The following ANO4 variants were observed in gnomAD, a reference collection of about 807,000 sequenced individuals.
ANO4 encodes the protein anoctamin 4.
ANO4 carries 69 observed loss-of-function variants against 141.9 expected under a neutral mutation model. The ratio of observed to expected loss-of-function variants is 0.49; its 90% confidence interval spans 0.40 to 0.59. The LOEUF (loss-of-function observed/expected upper bound fraction) is 0.59, where lower values mean the gene tolerates loss of function less well. Ranked by LOEUF, ANO4 falls within the 20% of genes least tolerant of loss-of-function variation. The pLI, the probability that ANO4 is intolerant of heterozygous loss-of-function variation, is 0.00. For synonymous variants in ANO4, 350 were observed against 394.3 expected, an observed-to-expected ratio of 0.89 and a Z score of 1.33; for missense variants, 894 against 1,162.2, an observed-to-expected ratio of 0.77 and a Z score of 3.36.
chr12:100,836,137 C>T (rs1048394922), intron 1 of ANO4, among the ~76,000 whole-genome samples: 16 of 152,198 alleles, frequency 1.1e-4, no homozygotes, highest in Non-Finnish European at 2.1e-4. Flanking sequence ...TTTGCATATA[C>T]GTTTTACTTC....
chr12:101,111,600 C>G lies in ANO4; in HGVS notation c.2340C>G (p.Leu780=), dbSNP rs758995911. The change falls in exon 24 of 28, where the codon CTC becomes CTG. Residue 780 remains leucine (L), a synonymous_variant. Transcript: ENST00000392977. ...WYGILEGIGI[L]SVITNAFVIA... Reference sequence around the variant, plus strand: ...GAATTCTTGAAGGCATTGGAATTCTCTCTGTTATCACAAATGCATTTGTCA... The same window carrying G: ...GAATTCTTGAAGGCATTGGAATTCTGTCTGTTATCACAAATGCATTTGTCA... 1.2e-6 allele frequency: 2 copies of G among 1,611,128 alleles called. No individual in the cohort carries two copies. Among genetic ancestry groups the G allele is most frequent in the Admixed American group, 3.4e-5 (2 of 59,484 alleles).
intron 1 of ANO4, among the ~76,000 whole-genome samples, chr12:100,822,618 A>G (rs1305034820): frequency 1.3e-5 from 2 of 152,056 alleles, no homozygotes; most frequent in South Asian, 2.1e-4. Context: ...AAGAGGATGG[A>G]AAAAAGAGAA....
At chr12:101,096,822 A>G (rs1338463960) in intron 19 of ANO4, among the ~76,000 whole-genome samples, 175 bp downstream of exon 19, 1 of 152,180 alleles carries the variant, frequency 6.6e-6, no homozygotes, top group East Asian at 1.9e-4. Context: ...ATCCCAGGGA[A>G]ATCATCTCCA....
At chr12:100,838,977 C>T (rs1261659071) in intron 1 of ANO4, among the ~76,000 whole-genome samples, 3 of 152,116 alleles carry the variant, frequency 2.0e-5, no homozygotes, top group Non-Finnish European at 4.4e-5. Context: ...AAAGCAGGTT[C>T]CCTATCTTGC....
At chr12:100,795,249 A>G (rs2034234815) in intron 1 of ANO4, among the ~76,000 whole-genome samples, 1 of 149,834 alleles carries the variant, frequency 6.7e-6, no homozygotes, top group Admixed American at 6.6e-5. Context: ...CTGTGATACG[A>G]ATATAAGTGC....
At chr12:100,838,670 A>G (rs111787774) in intron 1 of ANO4, among the ~76,000 whole-genome samples, 191 of 152,308 alleles carry the variant, frequency 1.3e-3, no homozygotes, top group Non-Finnish European at 2.0e-3. Flanking sequence ...AGTTTCATAA[A>G]TAAAGTGAGG....
In ANO4 at chr12:101,043,617, C is replaced by T; in HGVS notation, c.1233C>T (p.Asp411=). The change falls in exon 13 of 28, where the codon GAC becomes GAT. Residue 411 remains aspartate, a synonymous_variant. Coordinates refer to ENST00000392977, the MANE Select transcript of ANO4 (RefSeq NM_001286615.2). ...ACTGTCCATTCATGAGGCTGTCAGA[C>T]AGCTGTGTATATGCCAAGGTAATTT... ...DKYCPFMRLS[D]SCVYAKVTHL... is the part of the protein sequence containing the mutation. The T allele has an allele frequency of 6.2e-7, 1 of 1,611,848 alleles. No homozygotes were observed. Among genetic ancestry groups the T allele is most frequent in the African/African-American group, 1.3e-5 (1 of 74,996 alleles).
chr12:100,719,108 G>A (rs1385057747), intron 1 of ANO4, among the ~76,000 whole-genome samples: 1 of 152,200 alleles, frequency 6.6e-6, no homozygotes, highest in Non-Finnish European at 1.5e-5. Flanking sequence ...AAGGAAAAAG[G>A]TGGCAGATCT....
intron 1 of ANO4, among the ~76,000 whole-genome samples, chr12:100,730,176 C>A (rs2031323491): frequency 6.6e-6 from 1 of 152,098 alleles, no homozygotes; most frequent in South Asian, 2.1e-4. Flanking sequence ...GGAATGACAA[C>A]TTTAGAGTAC....
At chr12:100,778,102 G>A (rs1412348365) in intron 3 of ANO4, among the ~76,000 whole-genome samples, 2 of 151,944 alleles carry the variant, frequency 1.3e-5, no homozygotes, top group South Asian at 2.1e-4. Context: ...TGCATTTTTA[G>A]TAGAGATGGG....
chr12:101,009,309 TA>T (rs2045986065), intron 8 of ANO4, among the ~76,000 whole-genome samples: 1 of 152,106 alleles, frequency 6.6e-6, no homozygotes, highest in Admixed American at 6.6e-5. Flanking sequence ...AGAGAAAATT[TA>T]GAAGAAAAAA....
At chr12:101,018,328 A>G (rs2046391962) in intron 8 of ANO4, among the ~76,000 whole-genome samples, 1 of 152,220 alleles carries the variant, frequency 6.6e-6, no homozygotes, top group African/African-American at 2.4e-5. Flanking sequence ...CAGCATCCTC[A>G]TTTACCCACA....
intron 17 of ANO4, among the ~76,000 whole-genome samples, chr12:101,088,612 T>C (rs2049606745): frequency 6.6e-6 from 1 of 152,112 alleles, no homozygotes; most frequent in South Asian, 2.1e-4. Flanking sequence ...GTTGTTGCTA[T>C]TTTTTGTAGA....
rs544244149 is a variant in ANO4 at position 100,807,803 on chromosome 12, A to G, written c.-141+12776A>G. 5.3e-5 allele frequency among the ~76,000 whole-genome samples: 8 copies of G among 152,188 alleles called. No individual in the cohort carries two copies. The East Asian group carries it at 1.2e-3, about 22-fold the overall frequency. ...TCCCACTTATAAGTGAGAACACATG[A>G]TGTTTGGTTTTCTGTTCCTGCATTA... On this transcript the variant is annotated intron_variant, in intron 1 of 27. Transcript: ENST00000392977.
intron 1 of ANO4, among the ~76,000 whole-genome samples, chr12:100,817,435 A>T (rs1354617122): frequency 6.6e-6 from 1 of 151,762 alleles, no homozygotes; most frequent in Non-Finnish European, 1.5e-5. Context: ...AATTGAGGAG[A>T]TTCAAAGCAG....
chr12:101,081,225 C>G (rs1042838371), intron 15 of ANO4, among the ~76,000 whole-genome samples: 35 of 151,930 alleles, frequency 2.3e-4, no homozygotes, highest in African/African-American at 8.2e-4. Context: ...TGGGAATCAC[C>G]TTGGGCAATT....
At chr12:100,785,020 G>A (rs1052630494) in intron 3 of ANO4, among the ~76,000 whole-genome samples, 2 of 151,038 alleles carry the variant, frequency 1.3e-5, no homozygotes, top group African/African-American at 2.4e-5. Context: ...TATCTACTTC[G>A]TAAGACAACT....
intron 3 of ANO4, among the ~76,000 whole-genome samples, chr12:100,768,109 T>C (rs2033160625): frequency 6.6e-6 from 1 of 152,170 alleles, no homozygotes; most frequent in Admixed American, 6.5e-5. Flanking sequence ...CCTAGGGCTC[T>C]GGAGCTGGTT....
chr12:101,027,943 C>T (rs7315830), intron 9 of ANO4, among the ~76,000 whole-genome samples: 17,681 of 152,092 alleles, frequency 0.12, 1,395 homozygotes, highest in Non-Finnish European at 0.17. Context: ...GGAGCCCCTC[C>T]GGGTTAGAGA....
Sources: allele counts gnomAD v4.1 joint callset (sites outside exome capture counted in the v4.1 genomes callset), GRCh38; gene constraint gnomAD v4.1.1; transcripts MANE v1.5; gene names NCBI Gene and HGNC (gene_info 2026-07-23, HGNC 2026-07-21).